The following LAMA3 variants were observed in gnomAD, a reference collection of about 807,000 sequenced individuals.
LAMA3 encodes laminin subunit alpha 3.
Under a neutral mutation model 402.0 loss-of-function variants are expected in LAMA3, and 281 were observed. The ratio of observed to expected loss-of-function variants is 0.70; its 90% CI spans 0.63 to 0.77. LAMA3 has a LOEUF of 0.77. Among genes scored for constraint, LAMA3 ranks in the 30% least tolerant of loss-of-function variants. The pLI, the probability that LAMA3 is intolerant of heterozygous loss-of-function variation, is 0.00. For missense variants in LAMA3, 3,840 were observed against 4,215.5 expected (o/e 0.91, Z 2.47); for synonymous variants, 1,431 against 1,558.4 (o/e 0.92, Z 1.93).
intron 12 of LAMA3, among the ~76,000 whole-genome samples, chr18:23,809,937 C>T (rs573865250): frequency 5.3e-5 from 8 of 152,140 alleles, no homozygotes; most frequent in African/African-American, 1.2e-4. Context: ...GAGTCACATC[C>T]CCCATCAGTT....
At position 23,899,432 on chromosome 18, in the gene LAMA3, C is replaced by G. The variant is rs781650883; in HGVS notation, c.5981C>G (p.Ala1994Gly). ...GGAAAGCACCTCAGAGAAGCAGAAG[C>G]TGATAAAAGGGAGTCGCAGCTCTGT... is the stretch of plus-strand genomic sequence containing the variant. ...NFGKHLREAE[A>G]DKRESQLLLN... The change falls in exon 47 of 75, where the codon GCT (alanine) becomes GGT (glycine). Residue 1994 changes from alanine (A) to glycine (G), a missense_variant. Physicochemically the swap from Ala to Gly is moderately conservative, Grantham distance 60 (BLOSUM62 0). Transcript: ENST00000313654. 9 of 1,614,098 alleles carry G rather than the reference C, an allele frequency of 5.6e-6. No individual in the cohort carries two copies. Among genetic ancestry groups the G allele is most frequent in the South Asian group, 1.1e-5 (1 of 91,078 alleles).
chr18:23,835,592 C>T (rs2144536810), intron 24 of LAMA3, among the ~76,000 whole-genome samples: 1 of 152,296 alleles, frequency 6.6e-6, no homozygotes, highest in Non-Finnish European at 1.5e-5. Flanking sequence ...GTCTAGGAAA[C>T]ACTTTCATTG....
chr18:23,938,231 G>T (rs1432152455), intron 67 of LAMA3, among the ~76,000 whole-genome samples: 2 of 152,102 alleles, frequency 1.3e-5, no homozygotes, highest in Non-Finnish European at 2.9e-5. Flanking sequence ...AGCAGGGAGG[G>T]GTCACGTGTT....
rs918585606 is a variant in LAMA3 at position 23,814,442 on chromosome 18, T to C, written c.1828T>C (p.Cys610Arg). 3.7e-6 allele frequency: 6 copies of C among 1,613,914 alleles called. No homozygotes were observed. Among genetic ancestry groups the C allele is most frequent in the Non-Finnish European group, 5.1e-6 (6 of 1,179,908 alleles). The change falls in exon 15 of 75, where the codon TGT (cysteine) becomes CGT (arginine). Residue 610 changes from cysteine (C) to arginine (R), a missense_variant. Coordinates refer to ENST00000313654, the MANE Select transcript of LAMA3 (RefSeq NM_198129.4). ...CAAGCTTCATGTTGAAGGTCCTACT[T>C]GTAGCCGCTGCAAACTGTTATATTG... ...QCKLHVEGPT[C>R]SRCKLLYWNL...
At chr18:23,953,499 G>A (rs915143881) in intron 74 of LAMA3, among the ~76,000 whole-genome samples, 6 of 151,758 alleles carry the variant, frequency 4.0e-5, no homozygotes, top group South Asian at 2.1e-4. Context: ...ATGCCACCAC[G>A]CCTGGATAAT....
intron 12 of LAMA3, among the ~76,000 whole-genome samples, chr18:23,788,268 A>G (rs1338228283): frequency 1.3e-5 from 2 of 151,962 alleles, no homozygotes; most frequent in Non-Finnish European, 2.9e-5. Context: ...AATATGTATA[A>G]TAACAATAGT....
intron 12 of LAMA3, among the ~76,000 whole-genome samples, chr18:23,804,806 A>G (rs1213171107): frequency 6.6e-6 from 1 of 152,034 alleles, no homozygotes; most frequent in Non-Finnish European, 1.5e-5. Flanking sequence ...CTCTGAGTTC[A>G]CTTGAGATCT....
intron 1 of LAMA3, among the ~76,000 whole-genome samples, chr18:23,697,991 T>TTATAA (rs1432850976): frequency 6.6e-6 from 1 of 151,972 alleles, no homozygotes; most frequent in Non-Finnish European, 1.5e-5. Flanking sequence ...CCAACTCCTC[T>TTATAA]TCTTATAGGG....
chr18:23,791,753 A>C (rs74582987), intron 12 of LAMA3, among the ~76,000 whole-genome samples: 2 of 151,468 alleles, frequency 1.3e-5, no homozygotes, highest in Admixed American at 6.6e-5. Context: ...AAAAAAAAAA[A>C]AAACCACAAA....
intron 8 of LAMA3, among the ~76,000 whole-genome samples, chr18:23,771,957 T>G (rs906567414): frequency 2.0e-5 from 3 of 152,222 alleles, no homozygotes; most frequent in African/African-American, 7.2e-5. Context: ...CCCCATTGTT[T>G]GAGATGATGC....
rs1310389606 is a variant in LAMA3, at chr18:23,879,595, T to A, written c.5113-2341T>A. ...CATATAGTAAATGCCTAATAGATAT[T>A]TGGTGACAAATGGAGCTAGGAGAGC... On this transcript the variant is annotated intron_variant, in intron 39 of 74. Transcript: ENST00000313654. The surrounding 1 kb of genome is among the most constrained non-coding windows in gnomAD (Gnocchi z 4.2). Among the ~76,000 whole-genome samples the A allele has an allele frequency of 6.6e-6, 1 of 152,150 alleles. No individual in the cohort carries two copies. Among genetic ancestry groups the A allele is most frequent in the East Asian group, 1.9e-4 (1 of 5,202 alleles).
intron 23 of LAMA3, among the ~76,000 whole-genome samples, chr18:23,828,747 A>G (rs1189711583): frequency 1.3e-5 from 2 of 152,208 alleles, no homozygotes; most frequent in South Asian, 2.1e-4. Flanking sequence ...AGGCTCTTTT[A>G]CAATACGGAA....
chr18:23,834,450 G>GA (rs1274109325), intron 24 of LAMA3: 25 of 166,224 alleles, frequency 1.5e-4, no homozygotes, highest in East Asian at 6.5e-4. Flanking sequence ...TTGTCAAGTG[G>GA]AAAAAAAAAT....
chr18:23,894,392 T>C (rs1487878042), intron 43 of LAMA3, 44 bp downstream of exon 43: 1 of 1,553,544 alleles, frequency 6.4e-7, no homozygotes, highest in Admixed American at 1.7e-5. Flanking sequence ...AGTTGTGGGG[T>C]TTGGTTTAAG....
chr18:23,742,736 G>A (rs1030727370), intron 2 of LAMA3, among the ~76,000 whole-genome samples: 1 of 152,110 alleles, frequency 6.6e-6, no homozygotes, highest in South Asian at 2.1e-4. Context: ...TGAAAAGCAT[G>A]TGAGTATTCA....
intron 74 of LAMA3, 117 bp downstream of exon 74, chr18:23,953,226 A>G (rs1479819819): frequency 7.4e-7 from 1 of 1,358,484 alleles, no homozygotes; most frequent in Non-Finnish European, 1.0e-6. Flanking sequence ...GGCCCTTTGC[A>G]CTGGCATGTG....
intron 2 of LAMA3, among the ~76,000 whole-genome samples, chr18:23,720,963 C>G (rs1384785722): frequency 6.6e-6 from 1 of 151,832 alleles, no homozygotes; most frequent in East Asian, 1.9e-4. Context: ...TCAAGATCAG[C>G]CTGGGCAACA....
At position 23,949,866 on chromosome 18, in the gene LAMA3, G is replaced by T. The variant is rs770142647; in HGVS notation, c.9453G>T (p.Leu3151Phe). ...CAAGCTTCGGGGTGTCTTCCTGCTT[G>T]GGTGGTCCTTTGGAGAAAGGCATTT... ...PSSSFGVSSC[L>F]GGPLEKGIYF... The change falls in exon 71 of 75, where the codon TTG becomes TTT. Residue 3151 changes from leucine (L) to phenylalanine (F), a missense_variant. Transcript: ENST00000313654. The T allele has an allele frequency of 1.1e-5, 17 of 1,613,834 alleles. No individual in the cohort carries two copies. The highest frequency in any genetic ancestry group is 1.4e-5 in the Non-Finnish European group (17 of 1,180,018).
chr18:23,842,648 C>A lies in LAMA3; in HGVS notation c.3501C>A (p.Gly1167=), dbSNP rs200377357. The A allele has an allele frequency of 4.5e-5, 73 of 1,614,080 alleles. No individual in the cohort carries two copies. Among genetic ancestry groups the A allele is most frequent in the Non-Finnish European group, 6.0e-5 (71 of 1,180,058 alleles). The change falls in exon 29 of 75, where the codon GGC becomes GGA. Residue 1167 remains glycine, a synonymous_variant. Transcript: ENST00000313654. ...CCTCTTTTTGCCCCCATGTGCTTGG[C>A]TGCCGGGATCAAGTGATTGCCGAAG... ...FHASFCPHVL[G]CRDQVIAEGQ...
Sources: allele counts gnomAD v4.1 joint callset (sites outside exome capture counted in the v4.1 genomes callset), GRCh38; gene constraint gnomAD v4.1.1; non-coding constraint Gnocchi (gnomAD v3.1); transcripts MANE v1.5; gene names NCBI Gene and HGNC (gene_info 2026-07-23, HGNC 2026-07-21).